ASPH: variants seen among roughly 807,000 people sequenced by gnomAD.
ASPH encodes the protein aspartyl/asparaginyl beta-hydroxylase.
ASPH carries 100 observed loss-of-function variants against 118.4 expected under a neutral mutation model. The ratio of observed to expected loss-of-function variants is 0.84; its 90% CI spans 0.72 to 1.00. ASPH has a LOEUF of 1.00. Among genes scored for constraint, ASPH ranks in the 50% least tolerant of loss-of-function variants. The probability of loss-of-function intolerance (pLI) is 0.00; values close to 1 mark genes in which losing one functional copy is unlikely to be tolerated. For synonymous variants in ASPH, 315 were observed against 325.6 expected (o/e 0.97, Z 0.35); for missense variants, 920 against 919.5 (o/e 1.00, Z -0.01).
chr8:61,526,280 A>C (rs1377076721), intron 21 of ASPH, among the ~76,000 whole-genome samples, 168 bp from the exon 22 acceptor site: 1 of 152,064 alleles, frequency 6.6e-6, no homozygotes, highest in African/African-American at 2.4e-5. Context: ...AGCTATAAAA[A>C]CCCCAAATCT....
At chr8:61,671,422 A>G (rs1340825826) in intron 3 of ASPH, among the ~76,000 whole-genome samples, 3 of 152,230 alleles carry the variant, frequency 2.0e-5, no homozygotes, top group East Asian at 1.9e-4. Flanking sequence ...TCCAAGTAGT[A>G]GGAAGAAAAT....
chr8:61,624,564 C>T (rs1374907076), intron 13 of ASPH: 1 of 979,630 alleles, frequency 1.0e-6, no homozygotes, highest in Non-Finnish European at 1.2e-6. Flanking sequence ...TTATTGCACT[C>T]AACATTTAAT....
At chr8:61,576,909 A>ATTG (rs1835338198) in intron 15 of ASPH, 51 bp from the exon 16 acceptor site, 23 of 1,443,782 alleles carry the variant, frequency 1.6e-5, no homozygotes, top group Non-Finnish European at 2.2e-5. Flanking sequence ...ATGAATAATC[A>ATTG]ATCAATATTG....
At chr8:61,626,734 TA>T (rs1260941787) in intron 13 of ASPH, among the ~76,000 whole-genome samples, 2 of 4,518 alleles carry the variant, frequency 4.4e-4, no homozygotes, top group Non-Finnish European at 1.1e-3. Context: ...TTTAAAAAAT[TA>T]AAAATTAAAA....
intron 1 of ASPH, among the ~76,000 whole-genome samples, chr8:61,704,149 C>T (rs1257862989): frequency 7.7e-6 from 1 of 129,310 alleles, no homozygotes; most frequent in African/African-American, 2.9e-5. Flanking sequence ...GAGCCGAGAT[C>T]CCGCCACTGC....
intron 24 of ASPH, among the ~76,000 whole-genome samples, chr8:61,511,742 T>G (rs1808899023): frequency 6.6e-6 from 1 of 152,214 alleles, no homozygotes; most frequent in Non-Finnish European, 1.5e-5. Flanking sequence ...TAGCTGGGAT[T>G]ACAGGCATTA....
At chr8:61,507,729 A>T (rs1173148468) in intron 24 of ASPH, among the ~76,000 whole-genome samples, 1 of 152,106 alleles carries the variant, frequency 6.6e-6, no homozygotes, top group East Asian at 1.9e-4. Flanking sequence ...AAAACCAAAG[A>T]CTCTCATTAG....
intron 1 of ASPH, 53 bp downstream of exon 1, chr8:61,714,216 G>A (rs935818023): frequency 2.2e-6 from 3 of 1,371,586 alleles, no homozygotes; most frequent in Admixed American, 3.6e-5. Flanking sequence ...CGCGCCAGCC[G>A]GCTCCCTACC....
chr8:61,620,263 T>C (rs1366017240), intron 13 of ASPH, among the ~76,000 whole-genome samples: 1 of 152,214 alleles, frequency 6.6e-6, no homozygotes, highest in Non-Finnish European at 1.5e-5. Flanking sequence ...CTTACCTCCC[T>C]CTTTGTGCAT....
chr8:61,500,605 C>A lies in ASPH; in HGVS notation c.*2754G>T, dbSNP rs564281291. 4 of 151,388 alleles carry A rather than the reference C, an allele frequency of 2.6e-5. No individual in the cohort carries two copies. The highest frequency in any genetic ancestry group is 9.8e-5 in the African/African-American group (4 of 40,940). The allele number at this position is 151,388 out of a possible 1,614,324, so 9.4% of individuals were successfully genotyped here. A position where few individuals can be genotyped will look rare whatever the true frequency, so the allele number is the denominator to read the frequency against. On this transcript the variant is annotated 3_prime_UTR_variant, in exon 25 of 25. Transcript: ENST00000379454. ...TACCTAGTCTCCTTAGAAATGGAGT[C>A]CCCAACTACTCATTCAAAAGAAATC...
At chr8:61,514,348 G>A (rs1336951990) in intron 24 of ASPH, among the ~76,000 whole-genome samples, 1 of 149,114 alleles carries the variant, frequency 6.7e-6, no homozygotes, top group Non-Finnish European at 1.5e-5. Flanking sequence ...GGGTCTTGCT[G>A]TCACCCAGGC....
chr8:61,601,231 T>C (rs751344524), intron 14 of ASPH, among the ~76,000 whole-genome samples: 2 of 151,122 alleles, frequency 1.3e-5, no homozygotes, highest in Non-Finnish European at 2.9e-5. Flanking sequence ...AACAGTGGTA[T>C]GAAGCAACTT....
intron 1 of ASPH, among the ~76,000 whole-genome samples, chr8:61,692,737 G>A (rs976926272): frequency 1.3e-5 from 2 of 152,046 alleles, no homozygotes; most frequent in African/African-American, 2.4e-5. Context: ...ACATGATGCC[G>A]ACCTTAACCC....
intron 3 of ASPH, chr8:61,675,907 C>G: frequency 7.0e-7 from 1 of 1,425,084 alleles, no homozygotes; most frequent in Non-Finnish European, 9.1e-7. Context: ...GCTGAGCGAG[C>G]AAGGGACTAG....
At chr8:61,635,015 G>T (rs1196556651) in intron 12 of ASPH, among the ~76,000 whole-genome samples, 1 of 151,994 alleles carries the variant, frequency 6.6e-6, no homozygotes, top group Non-Finnish European at 1.5e-5. Flanking sequence ...GCACAATCTG[G>T]GTTACCTATT....
intron 3 of ASPH, chr8:61,668,347 T>C: frequency 8.0e-7 from 1 of 1,246,290 alleles, no homozygotes; most frequent in Non-Finnish European, 1.1e-6. Flanking sequence ...AAGTGTCTAT[T>C]AAATAGGTAA....
chr8:61,684,359 A>G, intron 1 of ASPH, 171 bp from the exon 2 acceptor site: 1 of 745,898 alleles, frequency 1.3e-6, no homozygotes. Context: ...TGAAAACAGA[A>G]AAGATTGTTT....
chr8:61,512,222 C>T (rs1057178067), intron 24 of ASPH, among the ~76,000 whole-genome samples: 4 of 152,092 alleles, frequency 2.6e-5, no homozygotes, highest in South Asian at 2.1e-4. Context: ...CTGCTAAAAA[C>T]GATAGATCCA....
Position 61,677,206 on chromosome 8 carries a change from G to C in ASPH, c.322+3762C>G, listed in dbSNP as rs1825828473. Among the ~76,000 whole-genome samples the C allele has an allele frequency of 2.6e-5, 4 of 152,094 alleles. No homozygotes were observed. In the South Asian group the frequency reaches 8.3e-4, roughly 32 times the overall value. On this transcript the variant is annotated intron_variant, in intron 3 of 24. Transcript: ENST00000379454. Reference sequence around the variant, plus strand: ...CAACTAAGTATTGGACCCCAAACAGGCCTTAGGATAGAAATAAATCAAAGT... The same window carrying C: ...CAACTAAGTATTGGACCCCAAACAGCCCTTAGGATAGAAATAAATCAAAGT...
Sources: gnomAD v4.1 joint callset for allele counts (sites outside exome capture counted in the v4.1 genomes callset) on GRCh38, gnomAD v4.1.1 for gene constraint, MANE v1.5 for transcripts, NCBI Gene and HGNC (gene_info 2026-07-23, HGNC 2026-07-21) for gene names.